Variants in SLC22A25 observed in about 807,000 individuals in gnomAD.
SLC22A25 encodes the protein MGI:2442751, MGI:2385316, MGI:3042283, MGI:3645714, MGI:3605624, MGI:2442750.
SLC22A25 carries 44 observed loss-of-function variants against 45.9 expected under a neutral mutation model. The observed-to-expected ratio is 0.96, with a 90% CI of 0.75 to 1.23. The LOEUF (loss-of-function observed/expected upper bound fraction) is 1.23, where lower values mean the gene tolerates loss of function less well. SLC22A25 is among the 50% of genes most tolerant of loss of function. SLC22A25 has a pLI of 0.00. For synonymous variants in SLC22A25, 283 were observed against 238.6 expected, an observed-to-expected ratio of 1.19 and a Z score of -1.72; for missense variants, 800 against 666.4, an observed-to-expected ratio of 1.20 and a Z score of -2.21.
chr11:63,193,361 G>A (rs1470425597), intron 7 of SLC22A25, among the ~76,000 whole-genome samples: 1 of 152,210 alleles, frequency 6.6e-6, no homozygotes, highest in Non-Finnish European at 1.5e-5. Context: ...ACCCCGAGTA[G>A]CCTAACTGGG....
intron 7 of SLC22A25, among the ~76,000 whole-genome samples, chr11:63,196,274 A>T (rs1422181195): frequency 6.6e-6 from 1 of 152,202 alleles, no homozygotes; most frequent in African/African-American, 2.4e-5. Flanking sequence ...TAATCCTGAT[A>T]CCAAAGCCTG....
chr11:63,217,288 G>A lies in SLC22A25; in HGVS notation c.830+26C>T, dbSNP rs369159795. The A allele has an allele frequency of 1.1e-5, 17 of 1,605,966 alleles. No homozygotes were observed. In the African/African-American group the frequency reaches 2.1e-4, roughly 20 times the overall value. ...CATCTGCATTCAAGGATGTCATATG[G>A]CAAAAGAAGAATGCAAGCTCAATAC... On this transcript the variant is annotated intron_variant, in intron 7 of 11. Transcript: ENST00000306494.
intron 9 of SLC22A25, among the ~76,000 whole-genome samples, chr11:63,175,479 G>T (rs1447883356): frequency 2.0e-5 from 3 of 151,972 alleles, no homozygotes; most frequent in Non-Finnish European, 4.4e-5. Context: ...GTGAGTTGTA[G>T]GTTTTCCTAA....
intron 9 of SLC22A25, among the ~76,000 whole-genome samples, chr11:63,175,376 C>T (rs2088048697): frequency 6.6e-6 from 1 of 152,054 alleles, no homozygotes; most frequent in South Asian, 2.1e-4. Flanking sequence ...ATTTTGAGCA[C>T]ATTTTCCATT....
intron 7 of SLC22A25, among the ~76,000 whole-genome samples, chr11:63,195,067 A>G (rs2088967687): frequency 6.6e-6 from 1 of 152,108 alleles, no homozygotes; most frequent in Admixed American, 6.6e-5. Context: ...CTAAATATAT[A>G]TATGCACCCA....
chr11:63,191,969 G>A (rs1370910425), intron 7 of SLC22A25, among the ~76,000 whole-genome samples: 1 of 149,850 alleles, frequency 6.7e-6, no homozygotes, highest in Admixed American at 6.6e-5. Flanking sequence ...AGGAAATGCA[G>A]GAAATGCACA....
intron 3 of SLC22A25, among the ~76,000 whole-genome samples, chr11:63,233,076 G>A (rs368677783): frequency 6.6e-6 from 1 of 152,188 alleles, no homozygotes; most frequent in East Asian, 1.9e-4. Flanking sequence ...GTTCATCAAG[G>A]ATATTGGTCT....
chr11:63,191,013 C>T (rs2088789582), intron 7 of SLC22A25, among the ~76,000 whole-genome samples: 1 of 152,234 alleles, frequency 6.6e-6, no homozygotes. Flanking sequence ...CTTGAGGAGG[C>T]AGTCTGCCCA....
At chr11:63,228,426 A>G in intron 5 of SLC22A25, 35 bp downstream of exon 5, 1 of 1,428,844 alleles carries the variant, frequency 7.0e-7, no homozygotes, top group Non-Finnish European at 9.7e-7. Context: ...TGATGAAAAT[A>G]CCCTTGAAGA....
intron 3 of SLC22A25, 65 bp downstream of exon 3, chr11:63,237,816 C>G (rs908958136): frequency 4.6e-5 from 7 of 152,144 alleles, no homozygotes; most frequent in Non-Finnish European, 1.0e-4. Flanking sequence ...AGCCCCAGGA[C>G]AGTGTGATTT....
At chr11:63,180,627 T>C in intron 9 of SLC22A25, 33 bp downstream of exon 9, 1 of 1,469,946 alleles carries the variant, frequency 6.8e-7, no homozygotes, top group South Asian at 1.2e-5. Flanking sequence ...TCTCCTCTAT[T>C]TTAACATTCC....
At chr11:63,177,383 TG>T (rs1464710966) in intron 9 of SLC22A25, among the ~76,000 whole-genome samples, 1 of 128,938 alleles carries the variant, frequency 7.8e-6, no homozygotes, top group African/African-American at 2.8e-5. Context: ...TGTGTGTGTG[TG>T]TCGAGAACAT....
In SLC22A25 at chr11:63,158,791, TAA is replaced by T. The variant is rs1362412374; in HGVS notation, c.*5031_*5032del. Among the ~76,000 whole-genome samples the T allele has an allele frequency of 5.9e-5, 9 of 152,318 alleles. 2 individuals are homozygous for T. The highest frequency in any genetic ancestry group is 2.1e-4 in the South Asian group (1 of 4,820). On this transcript the variant is annotated 3_prime_UTR_variant, in exon 12 of 12. Coordinates refer to ENST00000306494, the MANE Select transcript of SLC22A25 (RefSeq NM_199352.6). ...CTTTTTTAGTTATTTAAAAATGAATTAAGTTATTATTGACTATAGTCATCCTG... is the reference window on the plus strand; with the variant it reads ...CTTTTTTAGTTATTTAAAAATGAATTGTTATTATTGACTATAGTCATCCTG...
chr11:63,188,136 G>T (rs1164274385), intron 7 of SLC22A25, among the ~76,000 whole-genome samples: 1 of 152,284 alleles, frequency 6.6e-6, no homozygotes, highest in Non-Finnish European at 1.5e-5. Context: ...GCTCCTCTTT[G>T]TACCTCTGGT....
intron 9 of SLC22A25, 113 bp from the exon 10 acceptor site, chr11:63,166,371 T>C: frequency 6.8e-7 from 1 of 1,465,606 alleles, no homozygotes; most frequent in Non-Finnish European, 9.0e-7. Context: ...AAAGGCAGAG[T>C]GTGTTTTGTG....
Position 63,163,955 on chromosome 11 carries a change from C to A in SLC22A25, c.1513G>T (p.Ala505Ser). 4.3e-6 allele frequency: 7 copies of A among 1,613,868 alleles called. No homozygotes were observed. The highest frequency in any genetic ancestry group is 5.9e-6 in the Non-Finnish European group (7 of 1,179,896). The change falls in exon 12 of 12, where the codon GCC becomes TCC. Residue 505 changes from alanine (A) to serine (S), a missense_variant. Transcript: ENST00000306494. ...AGGACAACAAGGCCAGAGAGGATGG[C>A]AAAGACTCCATAGATGATCCAGGGC... ...PLPWIIYGVF[A>S]ILSGLVVLLL...
intron 9 of SLC22A25, among the ~76,000 whole-genome samples, chr11:63,177,682 A>AACTT (rs2088143114): frequency 6.6e-6 from 1 of 151,368 alleles, no homozygotes; most frequent in Non-Finnish European, 1.5e-5. Flanking sequence ...TGGATAATTT[A>AACTT]ACTTAAAATA....
intron 9 of SLC22A25, chr11:63,166,784 T>C: frequency 4.1e-6 from 4 of 984,974 alleles, no homozygotes; most frequent in Non-Finnish European, 3.6e-6. Flanking sequence ...AAATCTAGAT[T>C]AGAATAAGAA....
chr11:63,190,981 C>G (rs1209010714), intron 7 of SLC22A25, among the ~76,000 whole-genome samples: 1 of 152,196 alleles, frequency 6.6e-6, no homozygotes, highest in African/African-American at 2.4e-5. Flanking sequence ...CCCAGTTAGG[C>G]TACTCAGGGT....
Sources: gnomAD v4.1 joint callset for allele counts (sites outside exome capture counted in the v4.1 genomes callset) on GRCh38, gnomAD v4.1.1 for gene constraint, MANE v1.5 for transcripts, NCBI Gene and HGNC (gene_info 2026-07-23, HGNC 2026-07-21) for gene names.